The following SFI1 variants were observed in gnomAD, a reference collection of about 807,000 sequenced individuals.
The protein encoded by SFI1 is protein SFI1 homolog.
A neutral mutation model predicts 207.5 loss-of-function variants in SFI1; 195 were observed. That is an observed-to-expected ratio of 0.94 (90% CI 0.84 to 1.06). The LOEUF is 1.06. Among genes scored for constraint, SFI1 ranks in the 50% least tolerant of loss-of-function variants. SFI1 has a pLI of 0.00. For missense variants in SFI1, 1,634 were observed against 1,588.0 expected, an observed-to-expected ratio of 1.03 and a Z score of -0.49; for synonymous variants, 630 against 598.9, an observed-to-expected ratio of 1.05 and a Z score of -0.76.
intron 15 of SFI1, 75 bp downstream of exon 15, chr22:31,589,652 C>G (rs1479784952): frequency 1.3e-6 from 2 of 1,490,608 alleles, no homozygotes; most frequent in African/African-American, 2.8e-5. Flanking sequence ...AGCCCATTTG[C>G]TGTGCTTTTC....
chr22:31,614,209 G>C, intron 27 of SFI1: 2 of 351,552 alleles, frequency 5.7e-6, no homozygotes, highest in South Asian at 7.9e-5. Flanking sequence ...ACCCGTGCCT[G>C]CCGGCCTCTC....
rs1386705052 is a variant in SFI1, at chr22:31,614,856, C to T, written c.3064C>T (p.Gln1022Ter). 6.2e-7 allele frequency: 1 copy of T among 1,613,608 alleles called. No homozygotes were observed. Among genetic ancestry groups the T allele is most frequent in the East Asian group, 2.2e-5 (1 of 44,878 alleles). The change falls in exon 28 of 33, where the codon CAG (glutamine) becomes TAG (stop). Residue 1022 changes from glutamine to a stop codon, truncating the protein, a stop_gained. Transcript: ENST00000400288. LOFTEE classifies it high-confidence loss of function. ...PHFLLEPAQS[Q>*]RPQKPQEHGL... ...CTTCCTGTTGGAGCCTGCGCAGAGC[C>T]AGAGGTCCCTGGGGTGCAGCACCGT...
chr22:31,606,693 C>CTTTT (rs10524692), intron 21 of SFI1: 26 of 115,506 alleles, frequency 2.3e-4, no homozygotes, highest in East Asian at 5.0e-4. Flanking sequence ...TTCTTTTTTT[C>CTTTT]TTTTTTTTTT....
intron 14 of SFI1, chr22:31,587,316 T>TTTTGG: frequency 2.5e-6 from 1 of 401,418 alleles, no homozygotes; most frequent in Non-Finnish European, 5.1e-6. Flanking sequence ...TTTTGTTTTG[T>TTTTGG]TTTTGAGACA....
At chr22:31,540,707 A>G (rs1401943186) in intron 4 of SFI1, among the ~76,000 whole-genome samples, 1 of 151,770 alleles carries the variant, frequency 6.6e-6, no homozygotes, top group African/African-American at 2.4e-5. Flanking sequence ...CAGCCTCCCA[A>G]GTAGCTGAGA....
intron 2 of SFI1, among the ~76,000 whole-genome samples, chr22:31,520,168 C>G (rs2057046489): frequency 6.6e-6 from 1 of 150,648 alleles, no homozygotes; most frequent in African/African-American, 2.4e-5. Flanking sequence ...GTAATCACCA[C>G]CTGTTTAAAA....
chr22:31,510,123 G>A (rs1171399667), intron 2 of SFI1, among the ~76,000 whole-genome samples: 1 of 151,630 alleles, frequency 6.6e-6, no homozygotes, highest in African/African-American at 2.4e-5. Flanking sequence ...GAGCGATAGT[G>A]CTCGGCCTAT....
At chr22:31,581,543 C>A (rs564025941) in intron 12 of SFI1, among the ~76,000 whole-genome samples, 2 of 152,002 alleles carry the variant, frequency 1.3e-5, no homozygotes, top group East Asian at 3.9e-4. Context: ...CCACCTGCCT[C>A]GGCCTCCTAA....
chr22:31,560,829 G>A (rs1241756502), intron 7 of SFI1, among the ~76,000 whole-genome samples: 2 of 151,814 alleles, frequency 1.3e-5, no homozygotes, highest in Non-Finnish European at 2.9e-5. Context: ...AGCCTCCCGA[G>A]TAGCTGGGAT....
chr22:31,594,299 C>T (rs2066709113), intron 15 of SFI1, among the ~76,000 whole-genome samples: 2 of 152,100 alleles, frequency 1.3e-5, no homozygotes, highest in Admixed American at 1.3e-4. Context: ...CCTGTAATCC[C>T]AGCACTTTGG....
At chr22:31,563,810 C>G (rs1450628452) in intron 8 of SFI1, among the ~76,000 whole-genome samples, 1 of 151,906 alleles carries the variant, frequency 6.6e-6, no homozygotes, top group Non-Finnish European at 1.5e-5. Flanking sequence ...GTCTCGAACT[C>G]CTGACCGCAA....
chr22:31,595,304 A>T (rs1026445918), intron 15 of SFI1, among the ~76,000 whole-genome samples: 10 of 152,208 alleles, frequency 6.6e-5, no homozygotes, highest in African/African-American at 2.4e-4. Context: ...CCTGTAATGA[A>T]GAAATTATTA....
intron 2 of SFI1, among the ~76,000 whole-genome samples, chr22:31,524,048 A>G (rs2057600495): frequency 6.6e-6 from 1 of 151,514 alleles, no homozygotes; most frequent in African/African-American, 2.4e-5. Flanking sequence ...CTAATAATAC[A>G]AAAATTAGCC....
intron 2 of SFI1, among the ~76,000 whole-genome samples, chr22:31,511,167 A>G (rs959321149): frequency 6.6e-6 from 1 of 152,090 alleles, no homozygotes; most frequent in African/African-American, 2.4e-5. Flanking sequence ...TTGTGCTTCA[A>G]AATTTCATCG....
At chr22:31,595,690 T>C (rs553513970) in intron 15 of SFI1, among the ~76,000 whole-genome samples, 2 of 152,290 alleles carry the variant, frequency 1.3e-5, no homozygotes, top group East Asian at 1.9e-4. Flanking sequence ...GAGCTAGTGC[T>C]GAGGGAGACT....
intron 6 of SFI1, among the ~76,000 whole-genome samples, chr22:31,554,675 C>T (rs1337608789): frequency 3.3e-5 from 5 of 150,604 alleles, no homozygotes; most frequent in African/African-American, 7.3e-5. Flanking sequence ...GGCGTGATCT[C>T]GGCTCACTGC....
intron 2 of SFI1, among the ~76,000 whole-genome samples, chr22:31,523,942 A>C (rs1251557519): frequency 6.7e-6 from 1 of 149,950 alleles, no homozygotes. Context: ...CATGGCAAGG[A>C]CTACTTTTTT....
intron 8 of SFI1, among the ~76,000 whole-genome samples, chr22:31,563,057 G>A (rs1053512329): frequency 6.7e-6 from 1 of 150,116 alleles, no homozygotes; most frequent in South Asian, 2.1e-4. Context: ...GCAGTGGCGC[G>A]ATCTTGCCTC....
At chr22:31,610,449 C>T (rs568359744) in intron 22 of SFI1, among the ~76,000 whole-genome samples, 280 of 152,334 alleles carry the variant, frequency 1.8e-3, no homozygotes, top group Non-Finnish European at 3.4e-3. Flanking sequence ...TGTGATCTGC[C>T]GCCTTCCCTG....
Sources: gnomAD v4.1 joint callset for allele counts (sites outside exome capture counted in the v4.1 genomes callset) on GRCh38, gnomAD v4.1.1 for gene constraint, MANE v1.5 for transcripts, NCBI Gene and HGNC (gene_info 2026-07-23, HGNC 2026-07-21) for gene names.